TMEM116: variants seen among roughly 807,000 people sequenced by gnomAD.
TMEM116 encodes transmembrane protein 116.
In TMEM116, 38 loss-of-function variants were observed where a neutral mutation model predicts 44.3. The ratio of observed to expected loss-of-function variants is 0.86; its 90% confidence interval spans 0.66 to 1.12. TMEM116 has a LOEUF of 1.12. TMEM116 is among the 50% of genes most tolerant of loss of function. The pLI is 0.00. For missense variants in TMEM116, 354 were observed against 401.7 expected, an observed-to-expected ratio of 0.88 and a Z score of 1.01; for synonymous variants, 132 against 144.8, an observed-to-expected ratio of 0.91 and a Z score of 0.64.
intron 4 of TMEM116, among the ~76,000 whole-genome samples, chr12:111,966,706 T>C (rs2075007603): frequency 6.6e-6 from 1 of 152,240 alleles, no homozygotes; most frequent in Non-Finnish European, 1.5e-5. Context: ...TGATGGCTTA[T>C]ACAGTTGGAG....
chr12:111,993,156 T>C (rs2076716519), intron 3 of TMEM116: 1 of 287,092 alleles, frequency 3.5e-6, no homozygotes, highest in Non-Finnish European at 7.3e-6. Flanking sequence ...AAAGTACAGT[T>C]GTGAATTTGA....
chr12:111,999,235 T>A (rs977475912), intron 3 of TMEM116, among the ~76,000 whole-genome samples: 5 of 152,068 alleles, frequency 3.3e-5, no homozygotes, highest in Non-Finnish European at 5.9e-5. Context: ...CCTTTTTTTT[T>A]ACTTAGAAAT....
chr12:111,969,063 G>A (rs2075162008), intron 4 of TMEM116, among the ~76,000 whole-genome samples: 1 of 151,046 alleles, frequency 6.6e-6, no homozygotes, highest in African/African-American at 2.4e-5. Flanking sequence ...GCTCACGCCT[G>A]TAATCCCAGC....
intron 3 of TMEM116, 81 bp from the exon 4 acceptor site, chr12:111,991,970 G>A: frequency 5.0e-6 from 7 of 1,392,172 alleles, no homozygotes; most frequent in South Asian, 1.4e-5. Context: ...TACATTTTAT[G>A]TTTCTAGTAG....
At chr12:111,947,931 G>A (rs1247347167) in intron 4 of TMEM116, among the ~76,000 whole-genome samples, 1 of 152,084 alleles carries the variant, frequency 6.6e-6, no homozygotes, top group Admixed American at 6.6e-5. Context: ...AGTTTATTTG[G>A]AATTAAAGTA....
intron 3 of TMEM116, among the ~76,000 whole-genome samples, chr12:112,003,294 C>T (rs376402932): frequency 2.0e-5 from 3 of 152,230 alleles, no homozygotes; most frequent in Admixed American, 6.5e-5. Context: ...CAGGGCTGGG[C>T]GCGGTGGCTC....
chr12:111,955,007 G>A (rs937858313), intron 4 of TMEM116, among the ~76,000 whole-genome samples: 1 of 152,190 alleles, frequency 6.6e-6, no homozygotes, highest in Admixed American at 6.5e-5. Context: ...TTTGGCTGAA[G>A]GTAGCCAGAT....
chr12:112,011,152 T>C (rs1805729298), intron 1 of TMEM116: 1 of 152,268 alleles, frequency 6.6e-6, no homozygotes, highest in South Asian at 2.1e-4. Flanking sequence ...GCTGCAGAGA[T>C]GCCCAGGTCC....
chr12:112,004,848 C>T lies in TMEM116; in HGVS notation c.14+409G>A, dbSNP rs117634121. On this transcript the variant is annotated intron_variant, in intron 2 of 10. Coordinates refer to ENST00000552374, the MANE Select transcript of TMEM116 (RefSeq NM_001193531.2). Reference sequence around the variant, plus strand: ...GCTTTTTTGTAGGGACAGGGTTTCACCATGTTGCCCAGGATGGTCTCAAAC... The same window carrying T: ...GCTTTTTTGTAGGGACAGGGTTTCATCATGTTGCCCAGGATGGTCTCAAAC... Among the ~76,000 whole-genome samples, 627 of 152,124 alleles carry T rather than the reference C, an allele frequency of 4.1e-3. 4 individuals are homozygous for T. The highest frequency in any genetic ancestry group is 7.4e-3 in the Non-Finnish European group (500 of 67,984).
chr12:111,933,671 T>C lies in TMEM116; in HGVS notation c.733+215A>G, dbSNP rs1474551475. Among the ~76,000 whole-genome samples, 13 of 149,216 alleles carry C rather than the reference T, an allele frequency of 8.7e-5. No homozygotes were observed. In the East Asian group the frequency reaches 2.4e-3, roughly 27 times the overall value. On this transcript the variant is annotated intron_variant, in intron 9 of 10. Coordinates refer to ENST00000552374, the MANE Select transcript of TMEM116 (RefSeq NM_001193531.2). ...GCCCGGCTAATTTTTTTTTTTTTTG[T>C]ATTTTTAGTAGAGACGGGGTTTCAC...
At chr12:111,942,568 G>A (rs80017658) in intron 5 of TMEM116, among the ~76,000 whole-genome samples, 29,787 of 152,066 alleles carry the variant, frequency 0.2, 3,134 homozygotes, top group African/African-American at 0.27. Flanking sequence ...CACTGCGCCC[G>A]GCCAACACTT....
At chr12:111,947,326 A>G (rs978405014) in intron 4 of TMEM116, among the ~76,000 whole-genome samples, 6 of 152,118 alleles carry the variant, frequency 3.9e-5, no homozygotes, top group African/African-American at 9.7e-5. Flanking sequence ...ACTCTAAATT[A>G]AGTCTTTTTT....
At chr12:111,944,614 A>G (rs1262236288) in intron 4 of TMEM116, among the ~76,000 whole-genome samples, 1 of 152,224 alleles carries the variant, frequency 6.6e-6, no homozygotes, top group East Asian at 1.9e-4. Flanking sequence ...GAAGTACAGT[A>G]TCAGAGCAGA....
intron 4 of TMEM116, among the ~76,000 whole-genome samples, chr12:111,977,011 C>T (rs1376622097): frequency 6.6e-6 from 1 of 151,900 alleles, no homozygotes; most frequent in Admixed American, 6.6e-5. Flanking sequence ...AATGGAATTA[C>T]CAGAGGGAGA....
intron 8 of TMEM116, 37 bp from the exon 9 acceptor site, chr12:111,934,067 G>T (rs747316372): frequency 2.5e-6 from 4 of 1,609,342 alleles, no homozygotes; most frequent in East Asian, 4.5e-5. Context: ...TTTGCTTAAA[G>T]CTTAGTAAAA....
chr12:111,936,870 G>A (rs1177907777), intron 7 of TMEM116, 40 bp from the exon 8 acceptor site: 1 of 1,539,060 alleles, frequency 6.5e-7, no homozygotes, highest in African/African-American at 1.4e-5. Context: ...TACTACAGAT[G>A]TAAGAAAAGA....
Position 111,931,669 on chromosome 12 carries a change from T to G in TMEM116, c.966A>C (p.Ser322=). Residue 322 remains serine (S), a synonymous_variant, in exon 11 of 11, where the codon TCA becomes TCC. Coordinates refer to ENST00000552374, the MANE Select transcript of TMEM116 (RefSeq NM_001193531.2). ...QKRFYSRGLN[S]LESTLTFPAS... Reference sequence around the variant, plus strand: ...CAGGAAAAGTCAGGGTGGATTCCAGTGAATTTAAGCCCCTGCTATAGAATC... The same window carrying G: ...CAGGAAAAGTCAGGGTGGATTCCAGGGAATTTAAGCCCCTGCTATAGAATC... 1 of 1,614,184 alleles carries G rather than the reference T, an allele frequency of 6.2e-7. No homozygotes were observed. Among genetic ancestry groups the G allele is most frequent in the South Asian group, 1.1e-5 (1 of 91,086 alleles).
chr12:112,005,024 C>G (rs771567221), intron 2 of TMEM116, among the ~76,000 whole-genome samples: 1 of 152,160 alleles, frequency 6.6e-6, no homozygotes, highest in Non-Finnish European at 1.5e-5. Flanking sequence ...TGCAACTGAT[C>G]CTGCTGACCA....
chr12:111,938,816 T>C (rs771097938), intron 5 of TMEM116, among the ~76,000 whole-genome samples: 4 of 152,182 alleles, frequency 2.6e-5, no homozygotes, highest in Non-Finnish European at 5.9e-5. Flanking sequence ...TCTAGGACCT[T>C]ATGATGTAAG....
Sources: allele counts gnomAD v4.1 joint callset (sites outside exome capture counted in the v4.1 genomes callset), GRCh38; gene constraint gnomAD v4.1.1; transcripts MANE v1.5; gene names NCBI Gene and HGNC (gene_info 2026-07-23, HGNC 2026-07-21).